Variants in NPFFR2 observed in about 807,000 individuals in gnomAD.
NPFFR2 encodes the protein G-protein coupled receptor 74.
Under a neutral mutation model 13.1 loss-of-function variants are expected in NPFFR2, and 15 were observed. The observed-to-expected ratio is 1.15, with a 90% CI of 0.77 to 1.76. The LOEUF (loss-of-function observed/expected upper bound fraction) is 1.76. Ranked by LOEUF, NPFFR2 falls within the 40% of genes most tolerant of loss-of-function variation. The pLI is 0.00. For synonymous variants in NPFFR2, 190 were observed against 175.7 expected, an observed-to-expected ratio of 1.08 and a Z score of -0.65; for missense variants, 572 against 503.5, an observed-to-expected ratio of 1.14 and a Z score of -1.30.
intron 1 of NPFFR2, among the ~76,000 whole-genome samples, chr4:72,037,909 A>G (rs1719085529): frequency 6.6e-6 from 1 of 152,202 alleles, no homozygotes; most frequent in Admixed American, 6.5e-5. Context: ...CTTGACCAAT[A>G]TCCTGAGCTT....
At chr4:72,119,713 A>T (rs1019195225) in intron 1 of NPFFR2, among the ~76,000 whole-genome samples, 2 of 152,316 alleles carry the variant, frequency 1.3e-5, no homozygotes, top group South Asian at 4.1e-4. Flanking sequence ...GGAAGCCCTG[A>T]GAGATTGTGC....
chr4:72,098,462 GT>G (rs34664869), intron 1 of NPFFR2, among the ~76,000 whole-genome samples: 144,616 of 151,966 alleles, frequency 0.95, 69,251 homozygotes, highest in East Asian at 1. Context: ...AATATTATGA[GT>G]TTTTTTTGTC....
chr4:72,068,427 C>T (rs535664315), intron 1 of NPFFR2, among the ~76,000 whole-genome samples: 1 of 152,218 alleles, frequency 6.6e-6, no homozygotes, highest in South Asian at 2.1e-4. Context: ...AGAAAAGAGC[C>T]CTCATGCTCT....
chr4:72,079,583 A>G (rs1299465733), intron 1 of NPFFR2, among the ~76,000 whole-genome samples: 3 of 152,322 alleles, frequency 2.0e-5, no homozygotes, highest in Middle Eastern at 6.8e-3. Flanking sequence ...AATCTTTGTG[A>G]CCTTGTTTAG....
intron 1 of NPFFR2, among the ~76,000 whole-genome samples, chr4:72,121,450 C>A (rs1340376515): frequency 6.6e-6 from 1 of 152,128 alleles, no homozygotes; most frequent in Non-Finnish European, 1.5e-5. Context: ...ACATAATCAT[C>A]AGATTCACTG....
intron 2 of NPFFR2, among the ~76,000 whole-genome samples, chr4:72,131,048 T>G (rs914727020): frequency 4.0e-5 from 6 of 151,636 alleles, no homozygotes; most frequent in Non-Finnish European, 8.8e-5. Flanking sequence ...AATGCCCAGC[T>G]GTTTTTTTTC....
At chr4:72,097,020 C>A (rs1054200549) in intron 1 of NPFFR2, among the ~76,000 whole-genome samples, 10 of 151,770 alleles carry the variant, frequency 6.6e-5, no homozygotes, top group African/African-American at 2.4e-4. Context: ...AATGTTCTAT[C>A]AGGTATTATA....
intron 1 of NPFFR2, among the ~76,000 whole-genome samples, chr4:72,058,154 T>C (rs546186480): frequency 8.6e-5 from 13 of 152,016 alleles, no homozygotes; most frequent in Non-Finnish European, 1.6e-4. Flanking sequence ...ATTTTGATTA[T>C]CGTGTTGTGT....
intron 1 of NPFFR2, among the ~76,000 whole-genome samples, chr4:72,123,457 A>G (rs1453469924): frequency 6.6e-6 from 1 of 150,964 alleles, no homozygotes; most frequent in Non-Finnish European, 1.5e-5. Context: ...GCAGAGACAC[A>G]ACAAAAAAGA....
intron 3 of NPFFR2, among the ~76,000 whole-genome samples, chr4:72,140,445 A>G (rs903763365): frequency 6.6e-6 from 1 of 151,998 alleles, no homozygotes; most frequent in African/African-American, 2.4e-5. Flanking sequence ...CAATACCTAG[A>G]TTATTGAGAG....
intron 1 of NPFFR2, among the ~76,000 whole-genome samples, chr4:72,101,349 C>T (rs552201849): frequency 9.2e-5 from 14 of 151,630 alleles, no homozygotes; most frequent in South Asian, 4.2e-4. Flanking sequence ...TCTGTAAAAA[C>T]GATCAGAATA....
In NPFFR2 at chr4:72,127,860, A is replaced by C. The variant is rs540219388; in HGVS notation, c.-7-725A>C. ...TTTGGGAGGCTAAGGTGGGTGGATC[A>C]CTCGAACTCAGGAGTTCAAGACCAG... On this transcript the variant is annotated intron_variant, in intron 1 of 3. Transcript: ENST00000308744. 5.3e-5 allele frequency among the ~76,000 whole-genome samples: 8 copies of C among 151,950 alleles called. No homozygotes were observed. In the South Asian group the frequency reaches 1.5e-3, roughly 28 times the overall value.
intron 1 of NPFFR2, among the ~76,000 whole-genome samples, chr4:72,049,627 C>A (rs764206392): frequency 1.3e-5 from 2 of 152,014 alleles, no homozygotes; most frequent in African/African-American, 2.4e-5. Context: ...ACTAAGAGAT[C>A]ACCTCACAAA....
At chr4:72,142,967 A>C (rs1372008015) in intron 3 of NPFFR2, among the ~76,000 whole-genome samples, 1 of 152,228 alleles carries the variant, frequency 6.6e-6, no homozygotes, top group East Asian at 1.9e-4. Context: ...AGTGTTTGAC[A>C]GCTATGCAAA....
chr4:72,072,575 A>G (rs1052648935), intron 1 of NPFFR2, among the ~76,000 whole-genome samples: 1 of 152,134 alleles, frequency 6.6e-6, no homozygotes, highest in Non-Finnish European at 1.5e-5. Flanking sequence ...GTCCTGTGGG[A>G]CACCATCAAA....
intron 1 of NPFFR2, among the ~76,000 whole-genome samples, chr4:72,064,643 AG>A (rs1254228116): frequency 2.6e-5 from 4 of 152,330 alleles, no homozygotes; most frequent in African/African-American, 9.6e-5. Context: ...GCCTTTTAGA[AG>A]CAGTCCCCAA....
chr4:72,049,603 G>A (rs1719482042), intron 1 of NPFFR2, among the ~76,000 whole-genome samples: 1 of 152,032 alleles, frequency 6.6e-6, no homozygotes, highest in African/African-American at 2.4e-5. Context: ...CCTTGAGTAT[G>A]ATATGATTTG....
intron 1 of NPFFR2, among the ~76,000 whole-genome samples, chr4:72,081,956 C>T (rs1214207861): frequency 6.6e-6 from 1 of 152,142 alleles, no homozygotes; most frequent in African/African-American, 2.4e-5. Flanking sequence ...CTACCATATT[C>T]TTACACATTT....
At chr4:72,101,529 T>G (rs1721249828) in intron 1 of NPFFR2, among the ~76,000 whole-genome samples, 1 of 151,666 alleles carries the variant, frequency 6.6e-6, no homozygotes, top group Non-Finnish European at 1.5e-5. Flanking sequence ...CAATGACTAA[T>G]AATAAAATAG....
Sources: gnomAD v4.1 joint callset for allele counts (sites outside exome capture counted in the v4.1 genomes callset) on GRCh38, gnomAD v4.1.1 for gene constraint, MANE v1.5 for transcripts, NCBI Gene and HGNC (gene_info 2026-07-23, HGNC 2026-07-21) for gene names.